The following ESRRG variants were observed in gnomAD, a reference collection of about 807,000 sequenced individuals.
The protein encoded by ESRRG is estrogen-related receptor gamma.
A neutral mutation model predicts 44.0 loss-of-function variants in ESRRG; 13 were observed. That is an observed-to-expected ratio of 0.30 (90% CI 0.19 to 0.47). The LOEUF is 0.47. Among genes scored for constraint, ESRRG ranks in the 20% least tolerant of loss-of-function variants. The pLI, the probability that ESRRG is intolerant of heterozygous loss-of-function variation, is 1.00. For missense variants in ESRRG, 395 were observed against 580.6 expected (o/e 0.68, Z 3.29); for synonymous variants, 215 against 214.6 (o/e 1.00, Z -0.02).
intron 1 of ESRRG, among the ~76,000 whole-genome samples, chr1:216,959,319 A>G (rs1345063005): frequency 7.1e-6 from 1 of 140,698 alleles, no homozygotes; most frequent in Non-Finnish European, 1.5e-5. Context: ...ATATTTTAAA[A>G]GCGGCAGATA....
chr1:216,540,411 A>G (rs2052355392), intron 5 of ESRRG, among the ~76,000 whole-genome samples: 1 of 152,036 alleles, frequency 6.6e-6, no homozygotes, highest in Non-Finnish European at 1.5e-5. Context: ...GGCCATAGAC[A>G]AGGGACCTTA....
intron 2 of ESRRG, among the ~76,000 whole-genome samples, chr1:216,662,271 A>G (rs776291006): frequency 1.3e-4 from 20 of 152,158 alleles, no homozygotes; most frequent in Non-Finnish European, 2.5e-4. Flanking sequence ...TGTGCTTGTC[A>G]GCCAAAAGAC....
intron 1 of ESRRG, among the ~76,000 whole-genome samples, chr1:216,979,899 T>A (rs886613918): frequency 6.6e-6 from 1 of 152,130 alleles, no homozygotes. Context: ...AGCCACTCAC[T>A]CTTTGTAAAG....
At chr1:216,892,560 G>C (rs965559445) in intron 2 of ESRRG, among the ~76,000 whole-genome samples, 4 of 152,150 alleles carry the variant, frequency 2.6e-5, no homozygotes, top group African/African-American at 9.7e-5. Context: ...CCTCTTTATG[G>C]AAGCTAAAGT....
rs867751703 is a variant in ESRRG, at chr1:216,652,123, G to C, written c.473-1034C>G. 5.9e-5 allele frequency among the ~76,000 whole-genome samples: 9 copies of C among 152,222 alleles called. 1 individual carries two copies. Among genetic ancestry groups the C allele is most frequent in the Non-Finnish European group, 1.2e-4 (8 of 68,024 alleles). ...TTCTGTTTATTGCCCTCTTGGGAAG[G>C]GGGAGGTCATCACACCAAATGCATA... On this transcript the variant is annotated intron_variant, in intron 2 of 6. Coordinates refer to ENST00000408911, the MANE Select transcript of ESRRG (RefSeq NM_001438.4).
At chr1:216,564,635 G>A (rs537032759) in intron 4 of ESRRG, among the ~76,000 whole-genome samples, 7 of 152,128 alleles carry the variant, frequency 4.6e-5, no homozygotes, top group East Asian at 1.9e-4. Context: ...GGAATGAAGC[G>A]TCTGTCCTGT....
intron 2 of ESRRG, among the ~76,000 whole-genome samples, chr1:216,833,836 A>ATAGCTT (rs2095522811): frequency 6.6e-6 from 1 of 152,232 alleles, no homozygotes; most frequent in African/African-American, 2.4e-5. Context: ...AGCAAGTGGC[A>ATAGCTT]GTAAAATGCT....
At chr1:217,009,342 T>G (rs2078209702) in intron 1 of ESRRG, among the ~76,000 whole-genome samples, 1 of 152,200 alleles carries the variant, frequency 6.6e-6, no homozygotes, top group Admixed American at 6.5e-5. Context: ...TGCTGAGACT[T>G]GCCTACAAGG....
chr1:216,800,053 A>G (rs2094572788), intron 2 of ESRRG, among the ~76,000 whole-genome samples: 1 of 152,202 alleles, frequency 6.6e-6, no homozygotes, highest in Non-Finnish European at 1.5e-5. Context: ...AAAGAAAAGA[A>G]ACAGAAGGTG....
At chr1:216,935,859 C>T (rs747327220) in intron 2 of ESRRG, among the ~76,000 whole-genome samples, 1 of 152,116 alleles carries the variant, frequency 6.6e-6, no homozygotes, top group Non-Finnish European at 1.5e-5. Context: ...TCGTGACCTG[C>T]CTGCCTCGGC....
At chr1:216,847,842 C>T (rs180698685) in intron 2 of ESRRG, among the ~76,000 whole-genome samples, 1 of 152,068 alleles carries the variant, frequency 6.6e-6, no homozygotes, top group South Asian at 2.1e-4. Context: ...GGTGGCTATG[C>T]CCTCTAACTC....
At position 216,885,425 on chromosome 1, in the gene ESRRG, G is replaced by A. The variant is rs568710297; in HGVS notation, c.-14+54157C>T. On this transcript the variant is annotated intron_variant, in intron 2 of 7. Coordinates refer to the ESRRG transcript ENST00000359162. ...GGAGAGGAGGCATGGGATGAGGGGT[G>A]CTGAGGAGCAGGTGGAGTATGAGGA... is the stretch of plus-strand genomic sequence containing the variant. Among the ~76,000 whole-genome samples the A allele has an allele frequency of 2.5e-4, 38 of 152,214 alleles. No individual in the cohort carries two copies. The East Asian group carries it at 6.8e-3, about 27-fold the overall frequency.
At chr1:216,758,012 A>T (rs1052100506) in intron 2 of ESRRG, among the ~76,000 whole-genome samples, 1 of 152,100 alleles carries the variant, frequency 6.6e-6, no homozygotes, top group African/African-American at 2.4e-5. Context: ...GAAGAAAGAA[A>T]GAAAATCCTC....
chr1:216,950,725 CAT>C (rs1319003516), intron 1 of ESRRG, among the ~76,000 whole-genome samples: 1 of 152,146 alleles, frequency 6.6e-6, no homozygotes, highest in Non-Finnish European at 1.5e-5. Flanking sequence ...CTATTTGTGA[CAT>C]AGACCATTTT....
rs947760471 is a variant in ESRRG at position 216,762,482 on chromosome 1, A to G, written c.-13-84991T>C. Among the ~76,000 whole-genome samples, 21 of 148,470 alleles carry G rather than the reference A, an allele frequency of 1.4e-4. No homozygotes were observed. In the East Asian group the frequency reaches 4.2e-3, roughly 30 times the overall value. On this transcript the variant is annotated intron_variant, in intron 2 of 7. Coordinates refer to the ESRRG transcript ENST00000359162. Reference sequence around the variant, plus strand: ...AAAAAACCAAACACCGCATATTCTCACTCATAGGTGGGAATTGAACAATGA... The same window carrying G: ...AAAAAACCAAACACCGCATATTCTCGCTCATAGGTGGGAATTGAACAATGA...
At chr1:217,052,575 T>C (rs1388816369) in intron 1 of ESRRG, among the ~76,000 whole-genome samples, 1 of 152,236 alleles carries the variant, frequency 6.6e-6, no homozygotes, top group East Asian at 1.9e-4. Context: ...ACCAGGAATT[T>C]AATAACATCT....
rs540036054 is a variant in ESRRG at position 216,940,184 on chromosome 1, G to T, written c.-105-511C>A. On this transcript the variant is annotated intron_variant, in intron 1 of 7. Coordinates refer to the ESRRG transcript ENST00000359162. ...CAAGAGAGCGAGTAGAGAGGCTCAA[G>T]CTTTCTAAGTGGAAAAACTTGAAGC... 7.9e-5 allele frequency among the ~76,000 whole-genome samples: 12 copies of T among 152,232 alleles called. No homozygotes were observed. In the South Asian group the frequency reaches 2.5e-3, roughly 32 times the overall value.
intron 1 of ESRRG, among the ~76,000 whole-genome samples, chr1:217,074,965 A>G (rs942740069): frequency 2.6e-5 from 4 of 152,174 alleles, no homozygotes; most frequent in African/African-American, 9.7e-5. Context: ...AATCAAAAAT[A>G]CAGTCATCTC....
intron 1 of ESRRG, among the ~76,000 whole-genome samples, chr1:217,040,413 C>T (rs2083638601): frequency 6.6e-6 from 1 of 152,022 alleles, no homozygotes; most frequent in Admixed American, 6.5e-5. Context: ...AGAAAAATAT[C>T]CCCCTTTTTT....
Sources: gnomAD v4.1 joint callset for allele counts (sites outside exome capture counted in the v4.1 genomes callset) on GRCh38, gnomAD v4.1.1 for gene constraint, MANE v1.5 for transcripts, NCBI Gene and HGNC (gene_info 2026-07-23, HGNC 2026-07-21) for gene names.